Variants in TBC1D16 observed in about 807,000 individuals in gnomAD.
TBC1D16 encodes the protein TBC1 domain family member 16.
Under a neutral mutation model 74.7 loss-of-function variants are expected in TBC1D16, and 58 were observed. The ratio of observed to expected loss-of-function variants is 0.78; its 90% CI spans 0.63 to 0.97. TBC1D16 has a LOEUF of 0.97. Among genes scored for constraint, TBC1D16 ranks in the 50% least tolerant of loss-of-function variants. The pLI, the probability that TBC1D16 is intolerant of heterozygous loss-of-function variation, is 0.00. For missense variants in TBC1D16, 1,014 were observed against 1,079.5 expected (o/e 0.94, Z 0.85); for synonymous variants, 493 against 474.7 (o/e 1.04, Z -0.50).
Position 79,939,834 on chromosome 17 carries a change from C to T in TBC1D16, c.*1025G>A, listed in dbSNP as rs745753930. On this transcript the variant is annotated 3_prime_UTR_variant, in exon 12 of 12. Transcript: ENST00000310924. ...AGAAGCTGACTTACATATCTGAGTT[C>T]ACAGGTCCTGAAGGGAAGTGGAAGA... is the stretch of plus-strand genomic sequence containing the variant. 6.6e-6 allele frequency: 1 copy of T among 152,166 alleles called. No homozygotes were observed. The highest frequency in any genetic ancestry group is 2.4e-5 in the African/African-American group (1 of 41,428). 9.4% of individuals were successfully genotyped at this position (152,166 alleles called of 1,614,324 possible).
intron 3 of TBC1D16, among the ~76,000 whole-genome samples, chr17:79,968,683 C>G (rs1484793144): frequency 1.3e-5 from 2 of 151,634 alleles, no homozygotes; most frequent in African/African-American, 4.8e-5. Context: ...GAAATCTTGT[C>G]TCTACTAAAA....
At chr17:80,021,225 C>T (rs1275460605) in intron 1 of TBC1D16, among the ~76,000 whole-genome samples, 2 of 148,926 alleles carry the variant, frequency 1.3e-5, no homozygotes, top group Non-Finnish European at 2.9e-5. Flanking sequence ...GCACTCCAGC[C>T]TGGAAACAAG....
intron 1 of TBC1D16, among the ~76,000 whole-genome samples, chr17:80,017,286 C>G (rs2036121980): frequency 1.3e-5 from 2 of 152,154 alleles, no homozygotes; most frequent in Non-Finnish European, 2.9e-5. Context: ...ATGGGCATGA[C>G]TGTGACAGTG....
intron 10 of TBC1D16, chr17:79,943,932 T>G (rs2032271408): frequency 1.4e-6 from 2 of 1,461,148 alleles, no homozygotes; most frequent in Non-Finnish European, 1.8e-6. Context: ...AGACCGTCCA[T>G]GCCGTGCTTC....
At chr17:80,033,881 T>C (rs2036854693) in intron 1 of TBC1D16, among the ~76,000 whole-genome samples, 1 of 152,226 alleles carries the variant, frequency 6.6e-6, no homozygotes. Flanking sequence ...TGCACTGTTA[T>C]GAACCACTTG....
Position 80,000,812 on chromosome 17 carries a change from C to T in TBC1D16, c.779+9348G>A, listed in dbSNP as rs544997697. On this transcript the variant is annotated intron_variant, in intron 3 of 11. Transcript: ENST00000310924. This position sits in a 1 kb window ranked among gnomAD's most constrained non-coding sequence, Gnocchi z 4.1. ...GGTTCAACACCGTCCAAGGCCACCC[C>T]CTGCGGGTCTTGAGTGGAGCTTGGA... Among the ~76,000 whole-genome samples, 63 of 152,358 alleles carry T rather than the reference C, an allele frequency of 4.1e-4. 1 individual carries two copies. The South Asian group carries it at 6.0e-3, about 15-fold the overall frequency.
chr17:79,996,222 A>C (rs2035268411), intron 3 of TBC1D16, among the ~76,000 whole-genome samples: 1 of 152,246 alleles, frequency 6.6e-6, no homozygotes, highest in African/African-American at 2.4e-5. Context: ...TGGTTGCCAC[A>C]ATAAATCATA....
At chr17:80,029,980 C>T (rs2036719069) in intron 1 of TBC1D16, among the ~76,000 whole-genome samples, 1 of 152,054 alleles carries the variant, frequency 6.6e-6, no homozygotes, top group Non-Finnish European at 1.5e-5. Flanking sequence ...CAGCAGTGGC[C>T]GATCGAGTCC....
intron 1 of TBC1D16, among the ~76,000 whole-genome samples, chr17:80,022,977 G>A (rs141186056): frequency 3.3e-5 from 5 of 150,038 alleles, no homozygotes; most frequent in African/African-American, 1.0e-4. Flanking sequence ...ATTTTAAGAG[G>A]TGCCTTGGCC....
In TBC1D16 at chr17:79,988,220, G is replaced by C. The variant is rs954644837; in HGVS notation, c.779+21940C>G. On this transcript the variant is annotated intron_variant, in intron 3 of 11. Transcript: ENST00000310924. This position sits in a 1 kb window ranked among gnomAD's most constrained non-coding sequence, Gnocchi z 5.7. ...CTGGGAGGTGCTTGCCTGGCCACCA[G>C]CCAGGGCCGTGGCTCCTCGGCAAGT... 5.9e-5 allele frequency among the ~76,000 whole-genome samples: 9 copies of C among 152,316 alleles called. No homozygotes were observed. The highest frequency in any genetic ancestry group is 1.2e-4 in the Non-Finnish European group (8 of 68,038).
rs757317372 is a variant in TBC1D16 at position 80,010,320 on chromosome 17, C to T, written c.619G>A (p.Gly207Arg). The T allele has an allele frequency of 1.4e-5, 22 of 1,611,078 alleles. No homozygotes were observed. The Admixed American group carries it at 2.0e-4, about 15-fold the overall frequency. Residue 207 changes from glycine (G) to arginine (R), a missense_variant, in exon 3 of 12, where the codon GGG becomes AGG. Physicochemically the swap from Gly to Arg is moderately radical, Grantham distance 125. Transcript: ENST00000310924. This position sits in a 1 kb window ranked among gnomAD's most constrained non-coding sequence, Gnocchi z 8.8. ...AGTTCCAAAGAGCCATCCTCCTCCC[C>T]GGCCTCGGGCCGCGGCTCCCGCCCC... ...EEGREPRPEA[G>R]EEDGSLELSA...
chr17:79,951,747 C>G (rs2033066316), intron 4 of TBC1D16, 150 bp from the exon 5 acceptor site: 1 of 915,010 alleles, frequency 1.1e-6, no homozygotes, highest in Admixed American at 3.0e-5. Context: ...CGGGAGGGGA[C>G]AGAACTACAC....
intron 3 of TBC1D16, among the ~76,000 whole-genome samples, chr17:79,955,067 C>T (rs530027791): frequency 6.6e-6 from 1 of 152,352 alleles, no homozygotes; most frequent in African/African-American, 2.4e-5. Flanking sequence ...CCACACACCT[C>T]CCCCAGCAAC....
At chr17:80,024,302 C>A (rs1315802984) in intron 1 of TBC1D16, among the ~76,000 whole-genome samples, 5 of 149,690 alleles carry the variant, frequency 3.3e-5, no homozygotes. Context: ...CACCATAGAC[C>A]CCACACCACG....
intron 3 of TBC1D16, among the ~76,000 whole-genome samples, chr17:79,978,491 C>T (rs1175825834): frequency 1.3e-5 from 2 of 152,196 alleles, no homozygotes; most frequent in South Asian, 2.1e-4. Flanking sequence ...CAACAATCCG[C>T]GGCAGGTAGG....
Position 80,001,624 on chromosome 17 carries a change from G to T in TBC1D16, c.779+8536C>A, listed in dbSNP as rs1234240465. Among the ~76,000 whole-genome samples the T allele has an allele frequency of 1.3e-5, 2 of 152,132 alleles. No homozygotes were observed. Among genetic ancestry groups the T allele is most frequent in the African/African-American group, 4.8e-5 (2 of 41,432 alleles). On this transcript the variant is annotated intron_variant, in intron 3 of 11. Coordinates refer to ENST00000310924, the MANE Select transcript of TBC1D16 (RefSeq NM_019020.4). The surrounding 1 kb of genome is among the most constrained non-coding windows in gnomAD (Gnocchi z 5.8). ...AAATTTGGGAGGAATGGAGGATGCA[G>T]CCCTCCCAGCTCCTGGCCATCCCAC...
intron 3 of TBC1D16, among the ~76,000 whole-genome samples, chr17:79,964,166 G>A (rs749022752): frequency 2.0e-4 from 31 of 152,040 alleles, no homozygotes; most frequent in Non-Finnish European, 3.5e-4. Context: ...GGTAGAGACG[G>A]GGTTTCACCA....
Position 79,986,810 on chromosome 17 carries a change from G to C in TBC1D16, c.779+23350C>G, listed in dbSNP as rs2034855262. 6.6e-6 allele frequency among the ~76,000 whole-genome samples: 1 copy of C among 152,214 alleles called. No homozygotes were observed. Among genetic ancestry groups the C allele is most frequent in the Non-Finnish European group, 1.5e-5 (1 of 68,034 alleles). ...AGCGGGAGATGACACCTCCGATCAG[G>C]TCCACGGGAAGATGGGGGTGAACGA... is the stretch of plus-strand genomic sequence containing the variant. On this transcript the variant is annotated intron_variant, in intron 3 of 11. Coordinates refer to ENST00000310924, the MANE Select transcript of TBC1D16 (RefSeq NM_019020.4). This position sits in a 1 kb window ranked among gnomAD's most constrained non-coding sequence, Gnocchi z 6.0.
intron 1 of TBC1D16, among the ~76,000 whole-genome samples, chr17:80,032,495 C>T (rs190936848): frequency 8.5e-4 from 129 of 152,262 alleles, no homozygotes; most frequent in African/African-American, 1.8e-3. Context: ...GAGTAAAGAA[C>T]GTATTTCAAA....
Sources: allele counts gnomAD v4.1 joint callset (sites outside exome capture counted in the v4.1 genomes callset), GRCh38; gene constraint gnomAD v4.1.1; non-coding constraint Gnocchi (gnomAD v3.1); transcripts MANE v1.5; gene names NCBI Gene and HGNC (gene_info 2026-07-23, HGNC 2026-07-21).